The following ARMH3 variants were observed in gnomAD, a reference collection of about 807,000 sequenced individuals.
ARMH3 encodes the protein armadillo like helical domain containing 3.
A neutral mutation model predicts 99.1 loss-of-function variants in ARMH3; 60 were observed. That is an observed-to-expected ratio of 0.61 (90% confidence interval 0.49 to 0.75). The LOEUF is 0.75. Among genes scored for constraint, ARMH3 ranks in the 30% least tolerant of loss-of-function variants. The pLI is 0.00. For missense variants in ARMH3, 679 were observed against 843.1 expected, an observed-to-expected ratio of 0.81 and a Z score of 2.41; for synonymous variants, 285 against 292.8, an observed-to-expected ratio of 0.97 and a Z score of 0.27.
At chr10:101,865,668 T>C (rs2135339089) in intron 24 of ARMH3, among the ~76,000 whole-genome samples, 1 of 152,080 alleles carries the variant, frequency 6.6e-6, no homozygotes, top group Admixed American at 6.5e-5. Flanking sequence ...TTCATATTTT[T>C]TGTAGAGATG....
intron 23 of ARMH3, among the ~76,000 whole-genome samples, chr10:101,925,351 A>G (rs1161729619): frequency 6.6e-6 from 1 of 152,236 alleles, no homozygotes; most frequent in Non-Finnish European, 1.5e-5. Context: ...GCAGACCCTA[A>G]CACCATATTT....
intron 4 of ARMH3, among the ~76,000 whole-genome samples, chr10:102,031,177 T>A (rs147014662): frequency 5.2e-4 from 79 of 152,314 alleles, no homozygotes; most frequent in African/African-American, 1.9e-3. Flanking sequence ...ATAATCCTCA[T>A]CCACTACTTA....
chr10:102,036,336 G>A (rs1461736476), intron 2 of ARMH3, among the ~76,000 whole-genome samples: 10 of 152,026 alleles, frequency 6.6e-5, no homozygotes, highest in African/African-American at 2.2e-4. Context: ...TGGGAAGTGA[G>A]GAGCCCCTCT....
chr10:101,959,342 C>A (rs1845178860), intron 20 of ARMH3, among the ~76,000 whole-genome samples: 1 of 152,180 alleles, frequency 6.6e-6, no homozygotes, highest in Non-Finnish European at 1.5e-5. Context: ...CCACCTAATC[C>A]CCAGAGTTTA....
At chr10:101,918,090 C>T (rs1176870174) in intron 23 of ARMH3, among the ~76,000 whole-genome samples, 2 of 152,028 alleles carry the variant, frequency 1.3e-5, no homozygotes, top group Admixed American at 6.6e-5. Context: ...GCTCTGTGGC[C>T]CAGGCTGGAG....
intron 23 of ARMH3, among the ~76,000 whole-genome samples, chr10:101,919,498 G>A (rs533682141): frequency 1.6e-4 from 24 of 152,106 alleles, no homozygotes; most frequent in African/African-American, 4.6e-4. Flanking sequence ...CCCATCTCTC[G>A]CTGACTTTAT....
chr10:101,959,901 G>A (rs1389420885), intron 20 of ARMH3, among the ~76,000 whole-genome samples: 2 of 152,204 alleles, frequency 1.3e-5, no homozygotes, highest in Admixed American at 6.5e-5. Flanking sequence ...ACAGGGGCTG[G>A]GCGCAGTGGC....
At chr10:101,880,104 G>A (rs2067374074) in intron 24 of ARMH3, among the ~76,000 whole-genome samples, 1 of 152,204 alleles carries the variant, frequency 6.6e-6, no homozygotes, top group Non-Finnish European at 1.5e-5. Flanking sequence ...TCGAGAATTC[G>A]CAAAGCAACC....
chr10:101,991,330 T>G (rs576746606), intron 18 of ARMH3, among the ~76,000 whole-genome samples: 42 of 152,232 alleles, frequency 2.8e-4, no homozygotes, highest in African/African-American at 8.2e-4. Context: ...AACCATGAAC[T>G]TCAAGCCTCC....
intron 24 of ARMH3, among the ~76,000 whole-genome samples, chr10:101,850,899 T>C (rs114518967): frequency 6.6e-6 from 1 of 152,278 alleles, no homozygotes; most frequent in African/African-American, 2.4e-5. Flanking sequence ...TCCTGAAGCT[T>C]TCCCTGGCCA....
intron 24 of ARMH3, among the ~76,000 whole-genome samples, chr10:101,856,417 C>G (rs949755843): frequency 6.6e-6 from 1 of 152,122 alleles, no homozygotes; most frequent in African/African-American, 2.4e-5. Context: ...TCTTCAGGCT[C>G]GGGGCGGGGT....
chr10:101,990,700 T>G, intron 18 of ARMH3, 89 bp from the exon 19 acceptor site: 1 of 969,822 alleles, frequency 1.0e-6, no homozygotes. Context: ...GAGTACACCT[T>G]GCACTCACAC....
chr10:102,041,065 A>G (rs2067398277), intron 1 of ARMH3, among the ~76,000 whole-genome samples: 2 of 139,146 alleles, frequency 1.4e-5, no homozygotes, highest in Non-Finnish European at 3.1e-5. Context: ...TTCAAATTTA[A>G]TTGTGTGTAC....
intron 23 of ARMH3, among the ~76,000 whole-genome samples, chr10:101,907,049 T>C (rs1347702319): frequency 1.3e-5 from 2 of 152,150 alleles, no homozygotes; most frequent in Non-Finnish European, 1.5e-5. Flanking sequence ...CAAGCAGGGA[T>C]GAAAGAAGAC....
intron 20 of ARMH3, among the ~76,000 whole-genome samples, chr10:101,968,357 G>A (rs779427998): frequency 2.0e-5 from 3 of 152,238 alleles, no homozygotes; most frequent in South Asian, 2.1e-4. Context: ...TCTCAGTGGA[G>A]CCATCTGACA....
intron 1 of ARMH3, among the ~76,000 whole-genome samples, chr10:102,047,167 C>T (rs556883442): frequency 2.0e-5 from 3 of 152,002 alleles, no homozygotes; most frequent in Non-Finnish European, 4.4e-5. Flanking sequence ...CCCTAATGTC[C>T]ACTACAGGAT....
intron 19 of ARMH3, among the ~76,000 whole-genome samples, chr10:101,980,267 A>T (rs1020095978): frequency 2.0e-5 from 3 of 152,122 alleles, no homozygotes; most frequent in African/African-American, 4.8e-5. Context: ...AGGTAAATGA[A>T]ACCGGCTCCT....
rs531072560 is a variant in ARMH3 at position 101,926,318 on chromosome 10, G to A, written c.1781+13545C>T. Among the ~76,000 whole-genome samples the A allele has an allele frequency of 9.1e-4, 139 of 152,276 alleles. 1 individual carries two copies. Among genetic ancestry groups the A allele is most frequent in the African/African-American group, 3.2e-3 (133 of 41,536 alleles). On this transcript the variant is annotated intron_variant, in intron 23 of 25. Transcript: ENST00000370033. ...TCCTCCTGCCTCAGCCTCCAGAACAGCTGAGACTACAGGCATGTGCTACCA... is the reference window on the plus strand; with the variant it reads ...TCCTCCTGCCTCAGCCTCCAGAACAACTGAGACTACAGGCATGTGCTACCA...
chr10:102,045,129 C>CAAAAA (rs574856341), intron 1 of ARMH3, among the ~76,000 whole-genome samples: 4 of 80,750 alleles, frequency 5.0e-5, no homozygotes, highest in South Asian at 4.4e-4. Flanking sequence ...GCCCTTGTCT[C>CAAAAA]AAAAAAAAAA....
Sources: allele counts gnomAD v4.1 joint callset (sites outside exome capture counted in the v4.1 genomes callset), GRCh38; gene constraint gnomAD v4.1.1; transcripts MANE v1.5; gene names NCBI Gene and HGNC (gene_info 2026-07-23, HGNC 2026-07-21).